Variants in RAB38 observed in about 807,000 individuals in gnomAD.
RAB38 encodes ras-related protein Rab-38.
A neutral mutation model predicts 18.4 loss-of-function variants in RAB38; 15 were observed. That is an observed-to-expected ratio of 0.82 (90% CI 0.55 to 1.26). RAB38 has a LOEUF of 1.26. Ranked by LOEUF, RAB38 falls within the 50% of genes most tolerant of loss-of-function variation. The pLI, the probability that RAB38 is intolerant of heterozygous loss-of-function variation, is 0.00. For synonymous variants in RAB38, 101 were observed against 104.4 expected (o/e 0.97, Z 0.20); for missense variants, 294 against 267.4 (o/e 1.10, Z -0.69).
chr11:88,076,818 G>A, the RAB38 span, among the ~76,000 whole-genome samples: 1 of 150,204 alleles, frequency 6.7e-6, no homozygotes, highest in Non-Finnish European at 1.5e-5. Flanking sequence ...ATTTAGCCGG[G>A]AGTGGTTGTG....
the RAB38 span, among the ~76,000 whole-genome samples, chr11:87,874,488 G>A: frequency 1.3e-5 from 2 of 151,230 alleles, no homozygotes; most frequent in Non-Finnish European, 3.0e-5. Context: ...ATCACACACC[G>A]GGGCCTGTTG....
chr11:88,164,643 T>C (rs1445871283), intron 1 of RAB38, among the ~76,000 whole-genome samples: 2 of 152,132 alleles, frequency 1.3e-5, no homozygotes, highest in Non-Finnish European at 2.9e-5. Context: ...TCTTTTTTTT[T>C]CTTATGGCTA....
the RAB38 span, among the ~76,000 whole-genome samples, chr11:87,878,831 T>C: frequency 2.0e-5 from 3 of 151,698 alleles, no homozygotes; most frequent in African/African-American, 7.3e-5. Flanking sequence ...AAATGTGACT[T>C]TGGCTCAAGG....
chr11:88,128,677 C>T (rs1476830986), intron 2 of RAB38, among the ~76,000 whole-genome samples: 1 of 152,192 alleles, frequency 6.6e-6, no homozygotes, highest in Non-Finnish European at 1.5e-5. Context: ...CATAGTTTTG[C>T]CACTAAAGAG....
chr11:88,024,346 C>A, the RAB38 span, among the ~76,000 whole-genome samples: 2 of 152,138 alleles, frequency 1.3e-5, no homozygotes, highest in Non-Finnish European at 2.9e-5. Context: ...TATCACCTCA[C>A]CCCAGTTAAA....
At chr11:88,079,397 A>G in the RAB38 span, among the ~76,000 whole-genome samples, 2 of 151,832 alleles carry the variant, frequency 1.3e-5, no homozygotes, top group Admixed American at 6.6e-5. Context: ...CAATAGTTCT[A>G]TATTATTTAA....
chr11:88,081,217 T>C, the RAB38 span, among the ~76,000 whole-genome samples: 2 of 151,936 alleles, frequency 1.3e-5, no homozygotes, highest in African/African-American at 4.8e-5. Flanking sequence ...ATAATCACTA[T>C]GGAAAAAGTT....
intron 2 of RAB38, among the ~76,000 whole-genome samples, chr11:88,114,400 A>T (rs1028202549): frequency 1.3e-5 from 2 of 152,216 alleles, no homozygotes; most frequent in African/African-American, 4.8e-5. Context: ...TTTCAGTTAG[A>T]GGGCAATTTT....
At chr11:88,102,231 A>G in the RAB38 span, among the ~76,000 whole-genome samples, 2 of 152,012 alleles carry the variant, frequency 1.3e-5, no homozygotes, top group African/African-American at 4.8e-5. Flanking sequence ...CTCCAATACC[A>G]TAGCTTCAAT....
the RAB38 span, among the ~76,000 whole-genome samples, chr11:87,873,920 G>GTATATATATATATA: frequency 3.0e-5 from 1 of 33,828 alleles, no homozygotes; most frequent in Admixed American, 4.4e-4. Flanking sequence ...GTGTGTGTGT[G>GTATATATATATATA]TGTATATATA....
chr11:87,967,155 T>C, the RAB38 span, among the ~76,000 whole-genome samples: 749 of 152,348 alleles, frequency 4.9e-3, 7 homozygotes, highest in African/African-American at 0.017. Flanking sequence ...AAGAGATTTA[T>C]ATTTCCACCT....
the RAB38 span, among the ~76,000 whole-genome samples, chr11:88,061,354 G>A: frequency 6.6e-6 from 1 of 152,156 alleles, no homozygotes; most frequent in South Asian, 2.1e-4. Context: ...AACCTCAGAA[G>A]TAAAGAGAAA....
At chr11:88,147,199 C>T (rs1264343099) in intron 2 of RAB38, among the ~76,000 whole-genome samples, 3 of 152,052 alleles carry the variant, frequency 2.0e-5, no homozygotes, top group African/African-American at 7.2e-5. Flanking sequence ...TTGTTTTTAT[C>T]CATGAAGGCA....
the RAB38 span, chr11:87,815,397 T>C: frequency 6.6e-6 from 1 of 152,270 alleles, no homozygotes; most frequent in Non-Finnish European, 1.5e-5. Flanking sequence ...GGCTAAACTG[T>C]AATTATCTCG....
At chr11:88,173,915 A>G (rs926477129) in intron 1 of RAB38, 59 of 985,264 alleles carry the variant, frequency 6.0e-5, no homozygotes, top group Non-Finnish European at 6.7e-5. Flanking sequence ...CCTTTCAAAA[A>G]TTTTCCACAT....
the RAB38 span, among the ~76,000 whole-genome samples, chr11:87,925,803 G>A: frequency 6.6e-6 from 1 of 151,992 alleles, no homozygotes; most frequent in Non-Finnish European, 1.5e-5. Context: ...GAGGTAATGT[G>A]CTTCTTATAA....
chr11:88,149,445 A>G (rs1943034575), intron 2 of RAB38, among the ~76,000 whole-genome samples: 1 of 152,222 alleles, frequency 6.6e-6, no homozygotes, highest in Admixed American at 6.5e-5. Context: ...ATTACTATTG[A>G]AACCTTGTAC....
the RAB38 span, among the ~76,000 whole-genome samples, chr11:87,926,507 G>T: frequency 7.4e-6 from 1 of 134,488 alleles, no homozygotes; most frequent in African/African-American, 3.0e-5. Flanking sequence ...GTCAAATGGT[G>T]GTTTTTTTGT....
At chr11:88,011,591 G>T in the RAB38 span, among the ~76,000 whole-genome samples, 1 of 152,166 alleles carries the variant, frequency 6.6e-6, no homozygotes. Flanking sequence ...AAGATTTCCA[G>T]AAAATTAAAA....
Sources: gnomAD v4.1 joint callset for allele counts (sites outside exome capture counted in the v4.1 genomes callset) on GRCh38, gnomAD v4.1.1 for gene constraint, MANE v1.5 for transcripts, NCBI Gene and HGNC (gene_info 2026-07-23, HGNC 2026-07-21) for gene names.